MYO7A: variants seen among roughly 807,000 people sequenced by gnomAD.
MYO7A encodes unconventional myosin-VIIa.
In MYO7A, 210 loss-of-function variants were observed where a neutral mutation model predicts 263.8. That is an observed-to-expected ratio of 0.80 (90% CI 0.71 to 0.89). The LOEUF (loss-of-function observed/expected upper bound fraction) is 0.89, where lower values mean the gene tolerates loss of function less well. Among genes scored for constraint, MYO7A ranks in the 40% least tolerant of loss-of-function variants. The probability of loss-of-function intolerance (pLI) is 0.00; values close to 1 mark genes in which losing one functional copy is unlikely to be tolerated. For synonymous variants in MYO7A, 1,239 were observed against 1,197.3 expected (o/e 1.03, Z -0.72); for missense variants, 2,820 against 2,968.3 (o/e 0.95, Z 1.16).
In MYO7A at chr11:77,201,648, C is replaced by T. The variant is rs1565465231; in HGVS notation, c.5043+10C>T. 2 of 1,609,956 alleles carry T rather than the reference C, an allele frequency of 1.2e-6. No individual in the cohort carries two copies. Among genetic ancestry groups the T allele is most frequent in the East Asian group, 2.2e-5 (1 of 44,776 alleles). ...ACCGCGGGAGATTGTGGTATGTGGC[C>T]TGGGGGTGGCAGATGGGTGGGAGGT... On this transcript the variant is annotated intron_variant, in intron 36 of 48. Coordinates refer to ENST00000409709, the MANE Select transcript of MYO7A (RefSeq NM_000260.4).
rs1436002133 is a variant in MYO7A at position 77,198,614 on chromosome 11, A to T, written c.4561A>T (p.Ser1521Cys). 1.2e-6 allele frequency: 2 copies of T among 1,613,846 alleles called. No homozygotes were observed. Among genetic ancestry groups the T allele is most frequent in the Non-Finnish European group, 1.7e-6 (2 of 1,179,866 alleles). ...LSFPEIMAVS[S>C]SRECRVWLSL... ...CTTCCCAGAGATCATGGCCGTGTCC[A>T]GCAGCAGGTGAGGAGGCCCGCATGG... The change falls in exon 34 of 49, where the codon AGC (serine) becomes TGC (cysteine). Residue 1521 changes from serine to cysteine, a missense_variant. Physicochemically the swap from Ser to Cys is moderately radical, Grantham distance 112 (BLOSUM62 -1). Transcript: ENST00000409709.
chr11:77,142,955 C>A lies in MYO7A; in HGVS notation c.132+133C>A, dbSNP rs3740760. 5 of 722,112 alleles carry A rather than the reference C, an allele frequency of 6.9e-6. No individual in the cohort carries two copies. In the Admixed American group the frequency reaches 9.0e-5, roughly 13 times the overall value. The allele number at this position is 722,112 out of a possible 1,614,324, so 44.7% of individuals were successfully genotyped here. On this transcript the variant is annotated intron_variant, in intron 3 of 48. Coordinates refer to ENST00000409709, the MANE Select transcript of MYO7A (RefSeq NM_000260.4). ...GCCCCCACTTCTGCCTCTCAGATGC[C>A]CCCTTCCATGAGCTTTCCCCAGCAC...
In MYO7A at chr11:77,199,699, A is replaced by C; in HGVS notation, c.4733A>C (p.Asp1578Ala). 6.2e-7 allele frequency: 1 copy of C among 1,613,516 alleles called. No homozygotes were observed. Among genetic ancestry groups the C allele is most frequent in the Non-Finnish European group, 8.5e-7 (1 of 1,179,796 alleles). Residue 1578 changes from aspartate (D) to alanine (A), a missense_variant, in exon 35 of 49, where the codon GAC becomes GCC. By Grantham distance (126) the Asp-to-Ala change is moderately radical. Transcript: ENST00000409709. ...PSFTLATIKGDEYTFTSSNAE... is the reference protein window; with the variant it reads ...PSFTLATIKGAEYTFTSSNAE... ...TTCACGCTGGCCACCATCAAGGGGGACGAATACACCTTCACCTCCAGCAAT... is the reference window on the plus strand; with the variant it reads ...TTCACGCTGGCCACCATCAAGGGGGCCGAATACACCTTCACCTCCAGCAAT...
chr11:77,204,139 A>G lies in MYO7A; in HGVS notation c.5390A>G (p.Asp1797Gly), dbSNP rs2135721239. Residue 1797 changes from aspartate (D) to glycine (G), a missense_variant, in exon 39 of 49, where the codon GAC becomes GGC. By Grantham distance (94) the Asp-to-Gly change is moderately conservative. Transcript: ENST00000409709. ...ACACGCTCCGTCAACGAGCTCACCGACCAGATCTTTGAGGGTCCCCTGAAA... is the reference window on the plus strand; with the variant it reads ...ACACGCTCCGTCAACGAGCTCACCGGCCAGATCTTTGAGGGTCCCCTGAAA... Reference protein sequence around the residue: ...KRTRSVNELTDQIFEGPLKAE... With the variant: ...KRTRSVNELTGQIFEGPLKAE... 2.5e-6 allele frequency: 4 copies of G among 1,598,806 alleles called. No individual in the cohort carries two copies. Among genetic ancestry groups the G allele is most frequent in the East Asian group, 2.3e-5 (1 of 44,012 alleles).
chr11:77,161,243 C>T (rs1024150479), intron 12 of MYO7A, 128 bp downstream of exon 12: 57 of 1,166,308 alleles, frequency 4.9e-5, no homozygotes, highest in South Asian at 4.0e-4. Context: ...TCCGTCATCA[C>T]GGTGGACCCT....
Position 77,142,734 on chromosome 11 carries a change from G to A in MYO7A, c.44G>A (p.Arg15Lys). The change falls in exon 3 of 49, where the codon AGA (arginine) becomes AAA (lysine). Residue 15 changes from arginine to lysine, a missense_variant. Transcript: ENST00000409709. The stretch of plus-strand genomic sequence containing the variant: ...GGGGACCATGTGTGGATGGACCTGA[G>A]ATTGGGGCAGGAGTTCGACGTGCCC... ...QQGDHVWMDLRLGQEFDVPIG... is the reference protein window; with the variant it reads ...QQGDHVWMDLKLGQEFDVPIG... 6.2e-7 allele frequency: 1 copy of A among 1,611,596 alleles called. No homozygotes were observed. The highest frequency in any genetic ancestry group is 1.3e-5 in the African/African-American group (1 of 75,016).
intron 4 of MYO7A, among the ~76,000 whole-genome samples, chr11:77,150,856 A>G (rs1282903413): frequency 2.6e-5 from 4 of 152,154 alleles, no homozygotes; most frequent in African/African-American, 7.2e-5. Flanking sequence ...TGGATGAGGT[A>G]GGATTAGAGC....
At chr11:77,198,753 G>A (rs1042270840) in intron 34 of MYO7A, 132 bp downstream of exon 34, 19 of 1,365,216 alleles carry the variant, frequency 1.4e-5, no homozygotes, top group Non-Finnish European at 1.7e-5. Context: ...AGTTTGTGCC[G>A]CACTGTGCAG....
chr11:77,182,563 A>C lies in MYO7A; in HGVS notation c.3248A>C (p.Tyr1083Ser). 6.2e-7 allele frequency: 1 copy of C among 1,613,258 alleles called. No individual in the cohort carries two copies. The highest frequency in any genetic ancestry group is 8.5e-7 in the Non-Finnish European group (1 of 1,179,840). Reference sequence around the variant, plus strand: ...TATGAGACCCTGGGCAAGAAGACGTACAAGAGGGAGCTGCAGGCCCTGCAG... The same window carrying C: ...TATGAGACCCTGGGCAAGAAGACGTCCAAGAGGGAGCTGCAGGCCCTGCAG... ...KIYETLGKKT[Y>S]KRELQALQGE... Residue 1083 changes from tyrosine (Y) to serine (S), a missense_variant, in exon 25 of 49, where the codon TAC becomes TCC. Tyr to Ser is a moderately radical substitution (Grantham distance 144). Transcript: ENST00000409709.
intron 38 of MYO7A, among the ~76,000 whole-genome samples, chr11:77,203,872 T>G (rs1957250219): frequency 6.6e-6 from 1 of 152,134 alleles, no homozygotes; most frequent in Non-Finnish European, 1.5e-5. Context: ...CCATCCCAGC[T>G]GCTGTGAGGG....
In MYO7A at chr11:77,160,847, T is replaced by A. The variant is rs566715502; in HGVS notation, c.1201-126T>A. 236 of 1,059,962 alleles carry A rather than the reference T, an allele frequency of 2.2e-4. 1 individual carries two copies. Among genetic ancestry groups the A allele is most frequent in the Non-Finnish European group, 1.3e-4 (95 of 719,394 alleles). 65.7% of individuals were successfully genotyped at this position (1,059,962 alleles called of 1,614,324 possible). The stretch of plus-strand genomic sequence containing the variant: ...CAGAGGGAACAGCTCAAGTAAAGGG[T>A]TGGGGGTTTCACACGGCACTTTGTT... On this transcript the variant is annotated intron_variant, in intron 11 of 48. Coordinates refer to ENST00000409709, the MANE Select transcript of MYO7A (RefSeq NM_000260.4).
chr11:77,185,491 C>T (rs1253234526), intron 27 of MYO7A, among the ~76,000 whole-genome samples: 2 of 152,230 alleles, frequency 1.3e-5, no homozygotes, highest in Non-Finnish European at 2.9e-5. Flanking sequence ...GGCAACTCCT[C>T]ATCCACTGAA....
chr11:77,183,281 G>A (rs1248692174), intron 26 of MYO7A, 124 bp downstream of exon 26: 2 of 833,274 alleles, frequency 2.4e-6, no homozygotes, highest in Non-Finnish European at 4.0e-6. Flanking sequence ...CTGTCCTCAG[G>A]GGTCTTGGCT....
At chr11:77,206,243 G>C in intron 41 of MYO7A, 41 bp downstream of exon 41, 1 of 1,501,008 alleles carries the variant, frequency 6.7e-7, no homozygotes, top group Non-Finnish European at 9.1e-7. Flanking sequence ...GCCCAGGACA[G>C]GGCCGGGCTT....
chr11:77,174,569 G>A (rs554187152), intron 16 of MYO7A, among the ~76,000 whole-genome samples, 187 bp from the exon 17 acceptor site: 6 of 152,308 alleles, frequency 3.9e-5, no homozygotes, highest in South Asian at 4.1e-4. Context: ...GCTCCACCAC[G>A]ACAGGCCTCA....
rs782006877 is a variant in MYO7A at position 77,175,415 on chromosome 11, T to A, written c.2138T>A (p.Leu713Gln). 5 of 1,613,292 alleles carry A rather than the reference T, an allele frequency of 3.1e-6. No individual in the cohort carries two copies. The Admixed American group carries it at 5.0e-5, about 16-fold the overall frequency. ...GTCQRMAEAV[L>Q]GTHDDWQIGK... ...TGCCAGCGCATGGCTGAGGCTGTGCTGGGCACCCACGATGACTGGCAGATA... is the reference window on the plus strand; with the variant it reads ...TGCCAGCGCATGGCTGAGGCTGTGCAGGGCACCCACGATGACTGGCAGATA... The change falls in exon 18 of 49, where the codon CTG (leucine) becomes CAG (glutamine). Residue 713 changes from leucine to glutamine, a missense_variant. By Grantham distance (113) the Leu-to-Gln change is moderately radical. Coordinates refer to ENST00000409709, the MANE Select transcript of MYO7A (RefSeq NM_000260.4).
chr11:77,205,180 T>C (rs949066721), intron 39 of MYO7A, among the ~76,000 whole-genome samples: 3 of 152,158 alleles, frequency 2.0e-5, no homozygotes, highest in African/African-American at 7.2e-5. Flanking sequence ...CCCGGTGGCT[T>C]TTCATTGTGG....
rs1957433793 is a variant in MYO7A at position 77,206,152 on chromosome 11, A to G, written c.5692A>G (p.Lys1898Glu). 2 of 1,613,436 alleles carry G rather than the reference A, an allele frequency of 1.2e-6. No individual in the cohort carries two copies. Among genetic ancestry groups the G allele is most frequent in the Non-Finnish European group, 1.7e-6 (2 of 1,179,760 alleles). ...GGTGGAGGTGGAGGCCATCCAGCACAAGACCACCCAGATTTTCCACAAAGT... is the reference window on the plus strand; with the variant it reads ...GGTGGAGGTGGAGGCCATCCAGCACGAGACCACCCAGATTTTCCACAAAGT... Reference protein sequence around the residue: ...HLVEVEAIQHKTTQIFHKVYF... With the variant: ...HLVEVEAIQHETTQIFHKVYF... The change falls in exon 41 of 49, where the codon AAG (lysine) becomes GAG (glutamate). Residue 1898 changes from lysine (K) to glutamate (E), a missense_variant. Transcript: ENST00000409709.
intron 15 of MYO7A, among the ~76,000 whole-genome samples, chr11:77,170,140 T>C (rs1555075105): frequency 1.3e-5 from 2 of 151,914 alleles, no homozygotes; most frequent in Non-Finnish European, 2.9e-5. Context: ...TGGTGAGATG[T>C]AGTATGGGGA....
Sources: allele counts gnomAD v4.1 joint callset (sites outside exome capture counted in the v4.1 genomes callset), GRCh38; gene constraint gnomAD v4.1.1; transcripts MANE v1.5; gene names NCBI Gene and HGNC (gene_info 2026-07-23, HGNC 2026-07-21).